Variants in LIPC observed in about 807,000 individuals in gnomAD.
LIPC encodes lipase C, hepatic type.
A neutral mutation model predicts 50.7 loss-of-function variants in LIPC; 44 were observed. The ratio of observed to expected loss-of-function variants is 0.87; its 90% CI spans 0.68 to 1.11. The LOEUF is 1.11. LIPC is among the 50% of genes most tolerant of loss of function. The pLI, the probability that LIPC is intolerant of heterozygous loss-of-function variation, is 0.00. For missense variants in LIPC, 697 were observed against 648.2 expected (o/e 1.08, Z -0.82); for synonymous variants, 271 against 256.4 (o/e 1.06, Z -0.54).
intron 5 of LIPC, among the ~76,000 whole-genome samples, chr15:58,547,809 A>G (rs1178496011): frequency 2.0e-5 from 3 of 152,020 alleles, no homozygotes; most frequent in Non-Finnish European, 4.4e-5. Flanking sequence ...CAAGGTAGAC[A>G]TTGTCGAGAG....
At chr15:58,451,503 G>A (rs1217372008) in intron 1 of LIPC, among the ~76,000 whole-genome samples, 2 of 152,100 alleles carry the variant, frequency 1.3e-5, no homozygotes, top group African/African-American at 4.8e-5. Context: ...AACTTCCAGA[G>A]AGACCACACT....
intron 1 of LIPC, among the ~76,000 whole-genome samples, chr15:58,536,603 TAGAC>T (rs1423690545): frequency 2.0e-5 from 3 of 152,238 alleles, no homozygotes; most frequent in African/African-American, 4.8e-5. Flanking sequence ...GCTTCTGACT[TAGAC>T]AGGAGGGCAG....
At chr15:58,542,971 T>A (rs534835046) in intron 4 of LIPC, among the ~76,000 whole-genome samples, 1 of 152,284 alleles carries the variant, frequency 6.6e-6, no homozygotes, top group East Asian at 1.9e-4. Flanking sequence ...ATTTACAAAG[T>A]CCAATTTGGG....
chr15:58,512,357 C>T (rs995478766), intron 1 of LIPC, among the ~76,000 whole-genome samples: 1 of 152,188 alleles, frequency 6.6e-6, no homozygotes, highest in Non-Finnish European at 1.5e-5. Context: ...CCTCGGCCTA[C>T]CAAAGTGTTG....
At chr15:58,524,901 G>C (rs1228764508) in intron 1 of LIPC, among the ~76,000 whole-genome samples, 9 of 151,700 alleles carry the variant, frequency 5.9e-5, no homozygotes, top group African/African-American at 2.2e-4. Flanking sequence ...TAATTTAGTT[G>C]GTCATACAGA....
chr15:58,475,640 C>A (rs1890969382), intron 1 of LIPC, among the ~76,000 whole-genome samples: 1 of 152,206 alleles, frequency 6.6e-6, no homozygotes, highest in Admixed American at 6.5e-5. Context: ...ACCATTGGCT[C>A]ACACATCTGT....
chr15:58,486,638 C>T (rs1055811432), intron 1 of LIPC, among the ~76,000 whole-genome samples: 7 of 152,176 alleles, frequency 4.6e-5, no homozygotes, highest in Admixed American at 2.0e-4. Context: ...TCCTACCACC[C>T]AGCAATTAGA....
intron 6 of LIPC, among the ~76,000 whole-genome samples, chr15:58,557,892 CTTTT>C (rs1170634984): frequency 2.0e-5 from 3 of 152,092 alleles, no homozygotes; most frequent in African/African-American, 7.2e-5. Context: ...AAAGAACTTT[CTTTT>C]TGTCTCAGTT....
chr15:58,515,550 ATATC>A (rs1280542727), intron 1 of LIPC, among the ~76,000 whole-genome samples: 1 of 151,046 alleles, frequency 6.6e-6, no homozygotes, highest in African/African-American at 2.4e-5. Flanking sequence ...ATATATATAT[ATATC>A]TCAAAATATC....
chr15:58,501,123 C>T (rs1351729552), intron 1 of LIPC, among the ~76,000 whole-genome samples: 1 of 152,090 alleles, frequency 6.6e-6, no homozygotes, highest in Admixed American at 6.6e-5. Flanking sequence ...CCTGCTGACT[C>T]CACCTTAAAA....
chr15:58,459,523 G>A (rs1297950234), intron 1 of LIPC, among the ~76,000 whole-genome samples: 1 of 152,080 alleles, frequency 6.6e-6, no homozygotes, highest in Non-Finnish European at 1.5e-5. Context: ...AGTTTCTGGA[G>A]GAAGTCCCAC....
intron 8 of LIPC, chr15:58,565,726 A>G (rs1595961252): frequency 1.0e-6 from 1 of 993,448 alleles, no homozygotes; most frequent in Non-Finnish European, 1.2e-6. Context: ...GGTTCCATTA[A>G]TCTGAATTTT....
intron 1 of LIPC, 43 bp downstream of exon 1, chr15:58,432,163 T>C: frequency 1.4e-6 from 2 of 1,392,270 alleles, no homozygotes; most frequent in Non-Finnish European, 2.0e-6. Context: ...TGAACTTTTC[T>C]TTTTAAAACG....
chr15:58,497,026 T>G (rs1226743053), intron 1 of LIPC, among the ~76,000 whole-genome samples: 1 of 152,124 alleles, frequency 6.6e-6, no homozygotes, highest in African/African-American at 2.4e-5. Flanking sequence ...ATGAAGTCCG[T>G]GAGGTACAAA....
chr15:58,461,089 A>T (rs1894331628), intron 1 of LIPC, among the ~76,000 whole-genome samples: 2 of 152,226 alleles, frequency 1.3e-5, no homozygotes, highest in South Asian at 4.1e-4. Flanking sequence ...TCTCAAGTGC[A>T]GAGCTTGAAG....
At chr15:58,503,608 C>CA (rs1306196116) in intron 1 of LIPC, among the ~76,000 whole-genome samples, 1 of 152,230 alleles carries the variant, frequency 6.6e-6, no homozygotes, top group African/African-American at 2.4e-5. Context: ...ATCAACCTTC[C>CA]AATTCACCAA....
At chr15:58,498,255 C>T (rs1460940399) in intron 1 of LIPC, among the ~76,000 whole-genome samples, 1 of 152,160 alleles carries the variant, frequency 6.6e-6, no homozygotes, top group African/African-American at 2.4e-5. Context: ...TGTTAAGTCA[C>T]AGCCAGCTGG....
intron 1 of LIPC, among the ~76,000 whole-genome samples, chr15:58,502,440 C>T (rs771717519): frequency 3.3e-5 from 5 of 151,862 alleles, no homozygotes; most frequent in African/African-American, 9.7e-5. Flanking sequence ...AAGGTGGTGT[C>T]GCATCCCTAC....
chr15:58,463,177 TC>T (rs1383537152), intron 1 of LIPC, among the ~76,000 whole-genome samples: 1 of 152,214 alleles, frequency 6.6e-6, no homozygotes, highest in African/African-American at 2.4e-5. Context: ...GTGTTTGCCT[TC>T]CGGCCTGACT....
Sources: allele counts gnomAD v4.1 joint callset (sites outside exome capture counted in the v4.1 genomes callset), GRCh38; gene constraint gnomAD v4.1.1; transcripts MANE v1.5; gene names NCBI Gene and HGNC (gene_info 2026-07-23, HGNC 2026-07-21).